Variants in GRID2 observed in about 807,000 individuals in gnomAD.
The protein encoded by GRID2 is glutamate ionotropic receptor delta type subunit 2.
Under a neutral mutation model 114.8 loss-of-function variants are expected in GRID2, and 33 were observed. The observed-to-expected ratio is 0.29, with a 90% CI of 0.22 to 0.38. The LOEUF is 0.38. GRID2 is among the 10% of genes least tolerant of loss of function. The pLI, the probability that GRID2 is intolerant of heterozygous loss-of-function variation, is 1.00. For synonymous variants in GRID2, 505 were observed against 449.9 expected (o/e 1.12, Z -1.55); for missense variants, 1,184 against 1,257.7 (o/e 0.94, Z 0.89).
In GRID2 at chr4:92,720,010, G is replaced by C. The variant is rs374416972; in HGVS notation, c.244+129724G>C. On this transcript the variant is annotated intron_variant, in intron 2 of 15. Coordinates refer to ENST00000282020, the MANE Select transcript of GRID2 (RefSeq NM_001510.4). ...AGCTATAAAAAATGGCAAGTATTAT[G>C]ATGAATTAAGTGATAACATAAATAC... Among the ~76,000 whole-genome samples, 124 of 152,160 alleles carry C rather than the reference G, an allele frequency of 8.1e-4. 2 individuals carry two copies. The South Asian group carries it at 0.024, about 29-fold the overall frequency.
At chr4:92,809,223 G>A (rs779686414) in intron 2 of GRID2, among the ~76,000 whole-genome samples, 28 of 151,924 alleles carry the variant, frequency 1.8e-4, no homozygotes, top group Admixed American at 3.3e-4. Context: ...AGTTTTCATG[G>A]CTAAAACTTT....
chr4:92,470,287 AT>A (rs1184515136), intron 1 of GRID2, among the ~76,000 whole-genome samples: 4 of 151,956 alleles, frequency 2.6e-5, no homozygotes, highest in African/African-American at 7.2e-5. Context: ...TCCAAAAAAA[AT>A]CATCATTAAA....
At chr4:93,021,668 CTATAAA>C (rs1008092964) in intron 2 of GRID2, among the ~76,000 whole-genome samples, 2 of 138,572 alleles carry the variant, frequency 1.4e-5, no homozygotes, top group Non-Finnish European at 3.1e-5. Flanking sequence ...AATATGTATA[CTATAAA>C]TATAATTATT....
chr4:93,440,382 A>G (rs1034493462), intron 10 of GRID2, among the ~76,000 whole-genome samples: 1 of 152,106 alleles, frequency 6.6e-6, no homozygotes, highest in African/African-American at 2.4e-5. Flanking sequence ...GGAAGCCCTT[A>G]TAGAGACTTT....
chr4:93,516,965 A>G (rs1212972619), intron 13 of GRID2, among the ~76,000 whole-genome samples: 1 of 151,964 alleles, frequency 6.6e-6, no homozygotes, highest in East Asian at 1.9e-4. Context: ...ATTTCATTTT[A>G]TTTTCTCCCA....
At chr4:93,577,755 C>T (rs977493683) in intron 13 of GRID2, among the ~76,000 whole-genome samples, 3 of 152,110 alleles carry the variant, frequency 2.0e-5, no homozygotes, top group African/African-American at 7.2e-5. Flanking sequence ...ATGGCACAGG[C>T]CTGAAGTGTT....
At chr4:92,350,382 T>C (rs1728006738) in intron 1 of GRID2, among the ~76,000 whole-genome samples, 1 of 151,834 alleles carries the variant, frequency 6.6e-6, no homozygotes, top group Admixed American at 6.6e-5. Context: ...TTATTTCAGA[T>C]AGATAGTGTG....
chr4:92,417,488 A>G (rs550342631), intron 1 of GRID2, among the ~76,000 whole-genome samples: 17 of 152,208 alleles, frequency 1.1e-4, no homozygotes, highest in African/African-American at 3.9e-4. Flanking sequence ...TAAAGCAATT[A>G]CCCCCTGAGG....
At chr4:93,591,807 T>G (rs1326442799) in intron 13 of GRID2, among the ~76,000 whole-genome samples, 5 of 152,212 alleles carry the variant, frequency 3.3e-5, no homozygotes, top group African/African-American at 4.8e-5. Flanking sequence ...GTCGAGGAAT[T>G]TATCCATTTC....
rs554042185 is a variant in GRID2 at position 92,804,243 on chromosome 4, T to C, written c.244+213957T>C. 3.9e-5 allele frequency among the ~76,000 whole-genome samples: 6 copies of C among 152,184 alleles called. 1 individual carries two copies. Among genetic ancestry groups the C allele is most frequent in the African/African-American group, 1.4e-4 (6 of 41,576 alleles). ...GTAGACAAATAATCTTACTATGTTA[T>C]TAAAGTAATTAAATCATATGGAAAA... On this transcript the variant is annotated intron_variant, in intron 2 of 15. Coordinates refer to ENST00000282020, the MANE Select transcript of GRID2 (RefSeq NM_001510.4).
At chr4:92,925,155 G>A (rs72665216) in intron 2 of GRID2, among the ~76,000 whole-genome samples, 1,694 of 152,132 alleles carry the variant, frequency 0.011, 13 homozygotes, top group Middle Eastern at 0.027. Context: ...ATAAAGCAAC[G>A]ACCTCAAAAT....
At chr4:93,791,445 T>C (rs1734692510) in intron 1 of GRID2, among the ~76,000 whole-genome samples, 1 of 152,142 alleles carries the variant, frequency 6.6e-6, no homozygotes, top group African/African-American at 2.4e-5. Context: ...CAGGTCTATT[T>C]AGAGAAGCTC....
chr4:92,414,921 C>T (rs374138793), intron 1 of GRID2, among the ~76,000 whole-genome samples: 12 of 151,926 alleles, frequency 7.9e-5, no homozygotes, highest in East Asian at 1.9e-4. Flanking sequence ...AAATTTGTCT[C>T]GCTTCATTAT....
intron 8 of GRID2, among the ~76,000 whole-genome samples, chr4:93,240,701 T>C (rs892065097): frequency 6.6e-6 from 1 of 151,518 alleles, no homozygotes; most frequent in Non-Finnish European, 1.5e-5. Context: ...TGCTCAATTA[T>C]GTTCCAAGGG....
chr4:92,354,137 A>G (rs1331398433), intron 1 of GRID2, among the ~76,000 whole-genome samples: 2 of 152,048 alleles, frequency 1.3e-5, no homozygotes, highest in Non-Finnish European at 2.9e-5. Context: ...TGCTGCCTCC[A>G]GAACCAGGGA....
At chr4:93,170,841 G>A (rs1011333040) in intron 4 of GRID2, among the ~76,000 whole-genome samples, 9 of 149,544 alleles carry the variant, frequency 6.0e-5, no homozygotes, top group African/African-American at 2.3e-4. Flanking sequence ...TTTCCTTAGA[G>A]TCATGTTTGA....
chr4:92,852,907 C>G (rs1387314149), intron 2 of GRID2, among the ~76,000 whole-genome samples: 2 of 152,048 alleles, frequency 1.3e-5, no homozygotes, highest in East Asian at 3.9e-4. Flanking sequence ...GTGATTCTCC[C>G]TTATGCCTTC....
At chr4:93,408,393 A>T (rs987765432) in intron 9 of GRID2, among the ~76,000 whole-genome samples, 1 of 152,042 alleles carries the variant, frequency 6.6e-6, no homozygotes, top group African/African-American at 2.4e-5. Context: ...AATCACTTGC[A>T]AGTGACATTT....
intron 8 of GRID2, among the ~76,000 whole-genome samples, chr4:93,319,202 C>A (rs529676180): frequency 6.6e-6 from 1 of 152,216 alleles, no homozygotes; most frequent in South Asian, 2.1e-4. Context: ...AATGTACACA[C>A]ACACATGTAA....
Sources: allele counts gnomAD v4.1 joint callset (sites outside exome capture counted in the v4.1 genomes callset), GRCh38; gene constraint gnomAD v4.1.1; transcripts MANE v1.5; gene names NCBI Gene and HGNC (gene_info 2026-07-23, HGNC 2026-07-21).